Variants in TEKT1 observed in about 807,000 individuals in gnomAD.
TEKT1 encodes the protein tektin-1.
TEKT1 carries 32 observed loss-of-function variants against 34.8 expected under a neutral mutation model. That is an observed-to-expected ratio of 0.92 (90% CI 0.69 to 1.23). The LOEUF (loss-of-function observed/expected upper bound fraction) is 1.23. Among genes scored for constraint, TEKT1 ranks in the 50% most tolerant of loss-of-function variants. The pLI is 0.00. For synonymous variants in TEKT1, 207 were observed against 199.8 expected, an observed-to-expected ratio of 1.04 and a Z score of -0.30; for missense variants, 492 against 518.5, an observed-to-expected ratio of 0.95 and a Z score of 0.50.
chr17:6,819,924 G>A (rs904551416), intron 2 of TEKT1, among the ~76,000 whole-genome samples: 7 of 152,134 alleles, frequency 4.6e-5, no homozygotes, highest in African/African-American at 1.7e-4. Flanking sequence ...TCCTGACCTC[G>A]TGATCCGCCT....
At chr17:6,826,054 C>T (rs1273720845) in intron 2 of TEKT1, among the ~76,000 whole-genome samples, 2 of 152,212 alleles carry the variant, frequency 1.3e-5, no homozygotes, top group African/African-American at 4.8e-5. Flanking sequence ...ATTTGTATTT[C>T]CACCAGCAGA....
At chr17:6,802,208 A>T (rs867130359) in intron 6 of TEKT1, among the ~76,000 whole-genome samples, 5 of 152,210 alleles carry the variant, frequency 3.3e-5, no homozygotes, top group Non-Finnish European at 4.4e-5. Flanking sequence ...CAGAAATTGC[A>T]CTTGGCTTTC....
intron 5 of TEKT1, among the ~76,000 whole-genome samples, chr17:6,814,070 C>T (rs1976968815): frequency 6.6e-6 from 1 of 151,540 alleles, no homozygotes; most frequent in Admixed American, 6.6e-5. Context: ...CCACCATCAC[C>T]CACAATCAGC....
At chr17:6,815,108 C>G in intron 5 of TEKT1, 55 bp downstream of exon 5, 1 of 1,563,770 alleles carries the variant, frequency 6.4e-7, no homozygotes, top group Non-Finnish European at 8.7e-7. Flanking sequence ...TAGGTCTTGC[C>G]TATCTGAGAA....
chr17:6,814,290 A>G (rs1057221516), intron 5 of TEKT1, among the ~76,000 whole-genome samples: 2 of 152,236 alleles, frequency 1.3e-5, no homozygotes, highest in Non-Finnish European at 2.9e-5. Context: ...GATAACTAAC[A>G]CAATGAGAAT....
rs753002600 is a variant in TEKT1 at position 6,815,967 on chromosome 17, C to A, written c.357-5G>T. On this transcript the variant is annotated splice_region_variant and splice_polypyrimidine_tract_variant and intron_variant, in intron 3 of 7. Coordinates refer to ENST00000338694, the MANE Select transcript of TEKT1 (RefSeq NM_053285.2). The stretch of plus-strand genomic sequence containing the variant: ...TCAATGCCAATGCGCTTCTCCCTGG[C>A]AGGGGGAAAGGCAGCCAGTCAGCCA... 5 of 1,613,674 alleles carry A rather than the reference C, an allele frequency of 3.1e-6. No homozygotes were observed. In the Admixed American group the frequency reaches 6.7e-5, roughly 22 times the overall value.
chr17:6,815,845 G>C lies in TEKT1; in HGVS notation c.474C>G (p.Ser158=). 2.5e-6 allele frequency: 4 copies of C among 1,614,156 alleles called. No homozygotes were observed. The South Asian group carries it at 4.4e-5, about 18-fold the overall frequency. ...CCGAAGAGTCATACCGAATCTGCTC[G>C]GAAGCCTCCTCCAAGGTACGGGTCA... The part of the protein sequence containing the change: ...ALLTRTLEEA[S]EQIRMNRSAK... Residue 158 remains serine (S), a synonymous_variant, in exon 4 of 8, where the codon TCC becomes TCG. Transcript: ENST00000338694.
At chr17:6,816,891 C>T (rs1191698853) in intron 3 of TEKT1, among the ~76,000 whole-genome samples, 1 of 152,210 alleles carries the variant, frequency 6.6e-6, no homozygotes, top group East Asian at 1.9e-4. Flanking sequence ...TCTCCAGCAT[C>T]TGTTGTTTCC....
chr17:6,823,428 G>C (rs946825997), intron 2 of TEKT1, among the ~76,000 whole-genome samples: 1 of 152,050 alleles, frequency 6.6e-6, no homozygotes, highest in Non-Finnish European at 1.5e-5. Context: ...CTAACTCTCT[G>C]TGTGTGTGTA....
At chr17:6,823,452 A>G (rs9895158) in intron 2 of TEKT1, among the ~76,000 whole-genome samples, 9,360 of 152,190 alleles carry the variant, frequency 0.062, 819 homozygotes, top group African/African-American at 0.19. Context: ...GTGCACACGC[A>G]TGTGCTTGCC....
intron 5 of TEKT1, 77 bp from the exon 6 acceptor site, chr17:6,813,130 C>G: frequency 8.1e-7 from 1 of 1,238,696 alleles, no homozygotes; most frequent in Non-Finnish European, 1.1e-6. Flanking sequence ...ACGAGCTACA[C>G]CTTCCCCTCA....
intron 6 of TEKT1, among the ~76,000 whole-genome samples, chr17:6,809,098 A>G (rs1330905284): frequency 6.6e-6 from 1 of 152,314 alleles, no homozygotes. Flanking sequence ...CCTTATTATT[A>G]GCATCTTCCA....
chr17:6,813,858 G>A (rs1375956905), intron 5 of TEKT1, among the ~76,000 whole-genome samples: 1 of 151,726 alleles, frequency 6.6e-6, no homozygotes, highest in Non-Finnish European at 1.5e-5. Flanking sequence ...CTTGAGTATG[G>A]GATGAATTTA....
intron 6 of TEKT1, among the ~76,000 whole-genome samples, chr17:6,810,768 C>T (rs562223516): frequency 3.3e-5 from 5 of 152,152 alleles, no homozygotes; most frequent in South Asian, 4.1e-4. Context: ...GATGGAGTTT[C>T]GCTCTTATTG....
Position 6,813,073 on chromosome 17 carries a change from T to G in TEKT1, c.630-20A>C. ...ACGGAGCTGAAACAGACCTCACGCT[T>G]TCATTCACAGCATATTTGGGGTGGG... On this transcript the variant is annotated intron_variant, in intron 5 of 7. Transcript: ENST00000338694. 1.2e-6 allele frequency: 2 copies of G among 1,604,052 alleles called. No homozygotes were observed. Among genetic ancestry groups the G allele is most frequent in the Non-Finnish European group, 1.7e-6 (2 of 1,173,784 alleles).
intron 6 of TEKT1, among the ~76,000 whole-genome samples, chr17:6,812,359 T>G (rs4796560): frequency 0.59 from 89,982 of 151,920 alleles, 26,760 homozygotes; most frequent in African/African-American, 0.63. Context: ...CGCAACACTG[T>G]ATAACCAGGA....
At chr17:6,824,653 T>C (rs558262057) in intron 2 of TEKT1, among the ~76,000 whole-genome samples, 4 of 152,336 alleles carry the variant, frequency 2.6e-5, no homozygotes, top group Admixed American at 2.6e-4. Flanking sequence ...TTTTTACTTG[T>C]GTTGTGTCTC....
rs182292392 is a variant in TEKT1, at chr17:6,799,666, A to G, written c.*361T>C. 1.1e-3 allele frequency: 184 copies of G among 174,848 alleles called. No individual in the cohort carries two copies. Among genetic ancestry groups the G allele is most frequent in the Non-Finnish European group, 1.9e-3 (159 of 83,366 alleles). The allele number at this position is 174,848 out of a possible 1,614,324, so 10.8% of individuals were successfully genotyped here. On this transcript the variant is annotated 3_prime_UTR_variant, in exon 8 of 8. Coordinates refer to ENST00000338694, the MANE Select transcript of TEKT1 (RefSeq NM_053285.2). ...GAAAAGAAATTTTGAGAGCCAAGAG[A>G]AAGGTTAGCATCCCATCTCATGAGC...
intron 3 of TEKT1, 70 bp downstream of exon 3, chr17:6,819,123 A>G: frequency 6.5e-7 from 1 of 1,546,696 alleles, no homozygotes; most frequent in Non-Finnish European, 8.8e-7. Context: ...CATCGCACAC[A>G]GCCGGCATTT....
Sources: allele counts gnomAD v4.1 joint callset (sites outside exome capture counted in the v4.1 genomes callset), GRCh38; gene constraint gnomAD v4.1.1; transcripts MANE v1.5; gene names NCBI Gene and HGNC (gene_info 2026-07-23, HGNC 2026-07-21).